IL1RL2: variants seen among roughly 807,000 people sequenced by gnomAD.
IL1RL2 encodes interleukin-1 receptor-like 2.
A neutral mutation model predicts 66.8 loss-of-function variants in IL1RL2; 68 were observed. The ratio of observed to expected loss-of-function variants is 1.02; its 90% CI spans 0.84 to 1.25. The LOEUF is 1.25. IL1RL2 is among the 50% of genes most tolerant of loss of function. The probability of loss-of-function intolerance (pLI) is 0.00; values close to 1 mark genes in which losing one functional copy is unlikely to be tolerated. For missense variants in IL1RL2, 729 were observed against 709.3 expected, an observed-to-expected ratio of 1.03 and a Z score of -0.32; for synonymous variants, 305 against 264.6, an observed-to-expected ratio of 1.15 and a Z score of -1.48.
At chr2:102,211,433 T>C (rs543172395) in intron 5 of IL1RL2, among the ~76,000 whole-genome samples, 3 of 152,198 alleles carry the variant, frequency 2.0e-5, no homozygotes, top group Admixed American at 6.5e-5. Flanking sequence ...TAAAATAATA[T>C]GGAAATGCAG....
rs1306898007 is a variant in IL1RL2, at chr2:102,201,721, T to G, written c.649+6T>G. The G allele has an allele frequency of 4.3e-6, 7 of 1,611,258 alleles. No individual in the cohort carries two copies. The Admixed American group carries it at 1.2e-4, about 27-fold the overall frequency. ...TGGCATCACTGTGAGCATTAGTAAG[T>G]ATGCTCATGTATGCCTGTCGCCTTG... On this transcript the variant is annotated splice_donor_region_variant and intron_variant, in intron 5 of 11. Transcript: ENST00000264257.
intron 6 of IL1RL2, among the ~76,000 whole-genome samples, chr2:102,214,824 G>C (rs1335442870): frequency 6.6e-6 from 1 of 152,160 alleles, no homozygotes; most frequent in Non-Finnish European, 1.5e-5. Flanking sequence ...CAAAATTGCT[G>C]ACTAGGGGCT....
intron 4 of IL1RL2, among the ~76,000 whole-genome samples, chr2:102,200,560 A>G (rs1270053289): frequency 1.3e-5 from 2 of 152,230 alleles, no homozygotes; most frequent in African/African-American, 4.8e-5. Flanking sequence ...CTGCATGGCC[A>G]GGCCTGTCAC....
chr2:102,212,284 C>A, intron 6 of IL1RL2, 110 bp downstream of exon 6: 1 of 757,014 alleles, frequency 1.3e-6, no homozygotes, highest in Non-Finnish European at 2.2e-6. Flanking sequence ...CCTATACACA[C>A]CCAGTTTCCA....
intron 4 of IL1RL2, among the ~76,000 whole-genome samples, chr2:102,193,434 C>T (rs1471681134): frequency 6.6e-6 from 1 of 152,172 alleles, no homozygotes; most frequent in African/African-American, 2.4e-5. Context: ...GACAGAGTCT[C>T]ACTCTGTTGT....
chr2:102,193,082 T>G (rs932346743), intron 4 of IL1RL2, among the ~76,000 whole-genome samples: 2 of 152,024 alleles, frequency 1.3e-5, no homozygotes, highest in African/African-American at 4.8e-5. Context: ...ACACACACAC[T>G]TACTTGATTA....
At chr2:102,189,384 C>T in intron 3 of IL1RL2, 74 bp downstream of exon 3, 1 of 873,578 alleles carries the variant, frequency 1.1e-6, no homozygotes, top group Non-Finnish European at 1.7e-6. Context: ...TCTTAACGAA[C>T]ATAGAAAACT....
chr2:102,232,358 C>G (rs1052633480), intron 9 of IL1RL2, among the ~76,000 whole-genome samples: 2 of 152,108 alleles, frequency 1.3e-5, no homozygotes, highest in Non-Finnish European at 2.9e-5. Flanking sequence ...GGTGATCCAC[C>G]TGCTTTGGCC....
At chr2:102,187,336 T>C in intron 1 of IL1RL2, 1 of 1,170,124 alleles carries the variant, frequency 8.5e-7, no homozygotes, top group South Asian at 1.6e-5. Flanking sequence ...CCGCTGGCCC[T>C]TGCCAGGTAG....
chr2:102,221,309 C>A (rs1425274930), intron 8 of IL1RL2, among the ~76,000 whole-genome samples: 1 of 152,120 alleles, frequency 6.6e-6, no homozygotes, highest in South Asian at 2.1e-4. Context: ...AATCTCTTTC[C>A]CCTTTATGGC....
At chr2:102,201,780 C>A in intron 5 of IL1RL2, 65 bp downstream of exon 5, 1 of 1,525,884 alleles carries the variant, frequency 6.6e-7, no homozygotes, top group Non-Finnish European at 8.9e-7. Context: ...TGGCTTCTGG[C>A]TTTGGGTTTT....
At chr2:102,235,811 C>A (rs1674827975) in intron 11 of IL1RL2, 1 of 985,302 alleles carries the variant, frequency 1.0e-6, no homozygotes, top group South Asian at 4.7e-5. Context: ...TCAGTGCAGA[C>A]AAAGAGCTGC....
intron 1 of IL1RL2, 126 bp from the exon 2 acceptor site, chr2:102,187,730 C>T: frequency 1.2e-6 from 1 of 810,914 alleles, no homozygotes; most frequent in Admixed American, 1.9e-5. Flanking sequence ...TCGGAGGGCT[C>T]CCCAGGAAAA....
chr2:102,195,645 C>CTCTCTCTCTCTTTCTT, intron 4 of IL1RL2, among the ~76,000 whole-genome samples: 1 of 20,258 alleles, frequency 4.9e-5, no homozygotes, highest in African/African-American at 1.1e-4. Flanking sequence ...CTCTCTCTCT[C>CTCTCTCTCTCTTTCTT]TCTTTCTTTC....
downstream of IL1RL2, among the ~76,000 whole-genome samples, chr2:102,240,894 GA>G (rs1217175184): frequency 1.3e-5 from 2 of 152,252 alleles, no homozygotes; most frequent in East Asian, 1.9e-4. Context: ...CTGGGTGAAG[GA>G]CCTTGAGAAA....
intron 4 of IL1RL2, among the ~76,000 whole-genome samples, chr2:102,195,593 C>CTT (rs1687631110): frequency 1.8e-4 from 3 of 16,924 alleles, no homozygotes; most frequent in African/African-American, 5.1e-4. Flanking sequence ...TTCTTTCTTT[C>CTT]TTTCTTTCTT....
At position 102,195,645 on chromosome 2, in the gene IL1RL2, C is replaced by CTCTT. The variant is rs1219065291; in HGVS notation, c.489+3562_489+3565dup. ...TCTTTCTTTCTCTCTCTCTCTCTCT[C>CTCTT]TCTTTCTTTCTTTCTTTCTTTCTTT... On this transcript the variant is annotated intron_variant, in intron 4 of 11. Coordinates refer to ENST00000264257, the MANE Select transcript of IL1RL2 (RefSeq NM_003854.4). 3.4e-3 allele frequency among the ~76,000 whole-genome samples: 69 copies of CTCTT among 20,230 alleles called. 1 individual carries two copies. Among genetic ancestry groups the CTCTT allele is most frequent in the East Asian group, 8.4e-3 (2 of 238 alleles). 13.3% of individuals were successfully genotyped at this position (20,230 alleles called of 152,430 possible).
intron 11 of IL1RL2, among the ~76,000 whole-genome samples, chr2:102,236,942 C>T (rs1035846674): frequency 2.6e-5 from 4 of 152,208 alleles, no homozygotes; most frequent in African/African-American, 4.8e-5. Flanking sequence ...AATTTACCAA[C>T]AGTGCTGGTC....
At chr2:102,239,068 G>T (rs1182676048) in intron 11 of IL1RL2, 124 bp from the exon 12 acceptor site, 1 of 772,686 alleles carries the variant, frequency 1.3e-6, no homozygotes, top group Admixed American at 2.0e-5. Context: ...GAAGCCTCAG[G>T]GATATACCAC....
Sources: gnomAD v4.1 joint callset for allele counts (sites outside exome capture counted in the v4.1 genomes callset) on GRCh38, gnomAD v4.1.1 for gene constraint, MANE v1.5 for transcripts, NCBI Gene and HGNC (gene_info 2026-07-23, HGNC 2026-07-21) for gene names.